The following HK1 variants were observed in gnomAD, a reference collection of about 807,000 sequenced individuals.
The protein encoded by HK1 is hexokinase 1, also known as hexokinase-1.
A neutral mutation model predicts 91.6 loss-of-function variants in HK1; 28 were observed. The observed-to-expected ratio is 0.31, with a 90% CI of 0.23 to 0.42. HK1 has a LOEUF of 0.42. Among genes scored for constraint, HK1 ranks in the 10% least tolerant of loss-of-function variants. The pLI, the probability that HK1 is intolerant of heterozygous loss-of-function variation, is 1.00. For missense variants in HK1, 770 were observed against 1,219.8 expected (o/e 0.63, Z 5.49); for synonymous variants, 430 against 468.1 (o/e 0.92, Z 1.05).
At chr10:69,341,551 A>C (rs1316149251) in intron 1 of HK1, among the ~76,000 whole-genome samples, 13 of 147,300 alleles carry the variant, frequency 8.8e-5, no homozygotes, top group Non-Finnish European at 1.6e-4. Context: ...TGCAGCCTCA[A>C]CCTCTTGGGC....
intron 4 of HK1, among the ~76,000 whole-genome samples, chr10:69,367,183 G>A (rs1231130450): frequency 6.6e-6 from 1 of 152,120 alleles, no homozygotes; most frequent in Non-Finnish European, 1.5e-5. Flanking sequence ...AGAGGTGGGG[G>A]GTGTCCACCT....
At chr10:69,299,795 G>A (rs1301682880) in intron 4 of HK1, among the ~76,000 whole-genome samples, 1 of 150,890 alleles carries the variant, frequency 6.6e-6, no homozygotes, top group Non-Finnish European at 1.5e-5. Flanking sequence ...CCAAGTAGCT[G>A]GGATTACAGG....
intron 8 of HK1, 107 bp from the exon 9 acceptor site, chr10:69,379,755 C>T: frequency 1.2e-6 from 1 of 834,384 alleles, no homozygotes; most frequent in South Asian, 1.3e-5. Flanking sequence ...CCATACCATC[C>T]CACACATGGT....
intron 13 of HK1, among the ~76,000 whole-genome samples, chr10:69,387,816 T>G (rs548401279): frequency 6.6e-6 from 1 of 152,164 alleles, no homozygotes; most frequent in African/African-American, 2.4e-5. Context: ...AATGAAAAAT[T>G]CCCAAGATTT....
At chr10:69,278,056 A>G (rs1029660097) in intron 1 of HK1, among the ~76,000 whole-genome samples, 10 of 151,182 alleles carry the variant, frequency 6.6e-5, no homozygotes, top group African/African-American at 2.4e-4. Flanking sequence ...GGTTTGTTTT[A>G]TAGTGAACTG....
chr10:69,290,093 C>A (rs1379944888), intron 3 of HK1, among the ~76,000 whole-genome samples: 1 of 152,120 alleles, frequency 6.6e-6, no homozygotes, highest in Admixed American at 6.6e-5. Context: ...CCACCCCGCC[C>A]CCCACCAACA....
At chr10:69,305,173 C>T (rs542017024) in intron 5 of HK1, among the ~76,000 whole-genome samples, 1 of 152,154 alleles carries the variant, frequency 6.6e-6, no homozygotes, top group African/African-American at 2.4e-5. Context: ...CTCCAGTCAG[C>T]GGGAAGGAGG....
chr10:69,323,074 C>T (rs1847138003), intron 1 of HK1, among the ~76,000 whole-genome samples: 2 of 151,606 alleles, frequency 1.3e-5, no homozygotes, highest in South Asian at 2.1e-4. Flanking sequence ...GGTGAAATCC[C>T]GTCTCTACTA....
chr10:69,387,390 G>A (rs1839689505), intron 13 of HK1, among the ~76,000 whole-genome samples: 1 of 152,164 alleles, frequency 6.6e-6, no homozygotes, highest in Non-Finnish European at 1.5e-5. Flanking sequence ...CCAGGCTCAA[G>A]CGATCCTCCC....
At chr10:69,284,934 A>G (rs1002850888) in intron 2 of HK1, among the ~76,000 whole-genome samples, 1 of 151,964 alleles carries the variant, frequency 6.6e-6, no homozygotes, top group African/African-American at 2.4e-5. Flanking sequence ...CTCCTGCCTC[A>G]GCCTCCTGAA....
intron 2 of HK1, among the ~76,000 whole-genome samples, chr10:69,283,454 C>CAATAAT (rs201639629): frequency 6.7e-6 from 1 of 149,138 alleles, no homozygotes; most frequent in South Asian, 2.1e-4. Context: ...GACCCTGTCT[C>CAATAAT]AATAATAATA....
intron 2 of HK1, among the ~76,000 whole-genome samples, chr10:69,356,882 C>CAAAAAAAAAAAA (rs778360296): frequency 1.6e-5 from 1 of 62,026 alleles, no homozygotes; most frequent in Non-Finnish European, 3.0e-5. Flanking sequence ...AACTCCATCT[C>CAAAAAAAAAAAA]AAAAAAAAAA....
chr10:69,313,555 C>T (rs754215840), upstream of HK1, among the ~76,000 whole-genome samples: 16 of 152,148 alleles, frequency 1.1e-4, no homozygotes, highest in Admixed American at 4.6e-4. Flanking sequence ...CTCTGCCTCC[C>T]GGGTTCAAGC....
intron 1 of HK1, among the ~76,000 whole-genome samples, chr10:69,275,511 A>T (rs1844394893): frequency 6.6e-6 from 1 of 152,162 alleles, no homozygotes; most frequent in Non-Finnish European, 1.5e-5. Context: ...GGATTGACTA[A>T]TTACTTCTGT....
intron 11 of HK1, 41 bp downstream of exon 11, chr10:69,384,522 G>A (rs1422133522): frequency 5.6e-6 from 9 of 1,612,776 alleles, no homozygotes; most frequent in Middle Eastern, 1.6e-4. Flanking sequence ...CTGCACACAC[G>A]GCCAGTGGCA....
chr10:69,387,780 G>A (rs1327250815), intron 13 of HK1, among the ~76,000 whole-genome samples: 1 of 152,064 alleles, frequency 6.6e-6, no homozygotes, highest in Non-Finnish European at 1.5e-5. Flanking sequence ...CGTGGTCTTT[G>A]GCTGGAGGAC....
chr10:69,295,271 G>GCCTC, intron 3 of HK1, among the ~76,000 whole-genome samples: 1 of 152,146 alleles, frequency 6.6e-6, no homozygotes, highest in Non-Finnish European at 1.5e-5. Flanking sequence ...CGCAGCTCCG[G>GCCTC]TGCTGCTGCG....
At chr10:69,286,702 C>A (rs144192755) in intron 2 of HK1, among the ~76,000 whole-genome samples, 1,663 of 152,104 alleles carry the variant, frequency 0.011, 15 homozygotes, top group South Asian at 0.041. Context: ...GCATGTGCTA[C>A]CATGCCCGGC....
rs1325606143 is a variant in HK1 at position 69,377,142 on chromosome 10, A to G, written c.1031+53A>G. On this transcript the variant is annotated intron_variant, in intron 8 of 17. Coordinates refer to ENST00000359426, the MANE Select transcript of HK1 (RefSeq NM_000188.3). ...TGGGGTGTTGGGGCAGAGAAGAGCA[A>G]TTGGTCCCTTGTTACTTCTTGAGTC... 3.1e-6 allele frequency: 5 copies of G among 1,604,956 alleles called. No individual in the cohort carries two copies. The South Asian group carries it at 4.4e-5, about 14-fold the overall frequency.
Sources: gnomAD v4.1 joint callset for allele counts (sites outside exome capture counted in the v4.1 genomes callset) on GRCh38, gnomAD v4.1.1 for gene constraint, MANE v1.5 for transcripts, NCBI Gene and HGNC (gene_info 2026-07-23, HGNC 2026-07-21) for gene names.